Variants in PADI6 observed in about 807,000 individuals in gnomAD.
PADI6 encodes peptidyl arginine deiminase 6, also known as inactive protein-arginine deiminase type-6.
PADI6 carries 66 observed loss-of-function variants against 78.2 expected under a neutral mutation model. The observed-to-expected ratio is 0.84, with a 90% CI of 0.69 to 1.04. PADI6 has a LOEUF of 1.04. Among genes scored for constraint, PADI6 ranks in the 50% least tolerant of loss-of-function variants. The pLI, the probability that PADI6 is intolerant of heterozygous loss-of-function variation, is 0.00. For missense variants in PADI6, 854 were observed against 866.1 expected (o/e 0.99, Z 0.18); for synonymous variants, 397 against 346.9 (o/e 1.14, Z -1.60).
chr1:17,386,815 G>A (rs931611460), intron 6 of PADI6, among the ~76,000 whole-genome samples: 9 of 152,208 alleles, frequency 5.9e-5, no homozygotes, highest in African/African-American at 2.2e-4. Context: ...CTAACCCAGA[G>A]CAAGAGGCCG....
At chr1:17,391,079 A>G (rs1015989040) in intron 8 of PADI6, among the ~76,000 whole-genome samples, 4 of 152,220 alleles carry the variant, frequency 2.6e-5, no homozygotes, top group African/African-American at 9.6e-5. Flanking sequence ...GCCAGTAGTT[A>G]CATTGCTGTA....
At chr1:17,392,299 T>A in intron 9 of PADI6, 74 bp downstream of exon 9, 1 of 1,124,472 alleles carries the variant, frequency 8.9e-7, no homozygotes, top group Non-Finnish European at 1.3e-6. Flanking sequence ...AAGAGGAACT[T>A]CACAGGCTTC....
At chr1:17,400,901 G>A (rs1465595352) in intron 15 of PADI6, among the ~76,000 whole-genome samples, 2 of 152,204 alleles carry the variant, frequency 1.3e-5, no homozygotes, top group African/African-American at 4.8e-5. Context: ...ACAAAGCGGG[G>A]GTGGGGAGAG....
At chr1:17,388,610 A>G (rs2075150735) in intron 7 of PADI6, 51 bp downstream of exon 7, 1 of 1,517,042 alleles carries the variant, frequency 6.6e-7, no homozygotes, top group Non-Finnish European at 9.0e-7. Flanking sequence ...CCGGTGGGGG[A>G]AAAGCCATCT....
chr1:17,394,055 C>T lies in PADI6; in HGVS notation c.1155C>T (p.Leu385=), dbSNP rs762892891. ...LILDTPQAAD[L]DEFPMKYSLS... ...TCGACACACCTCAGGCCGCCGATCT[C>T]GATGAGTTCCCCATGAAGTACTCAC... Residue 385 remains leucine, a synonymous_variant, in exon 10 of 16, where the codon CTC becomes CTT. Coordinates refer to ENST00000619609, the MANE Select transcript of PADI6 (RefSeq NM_207421.4). The T allele has an allele frequency of 4.3e-6, 7 of 1,613,760 alleles. No homozygotes were observed. Among genetic ancestry groups the T allele is most frequent in the African/African-American group, 2.7e-5 (2 of 74,892 alleles).
Position 17,401,252 on chromosome 1 carries a change from TG to T in PADI6, c.1902del (p.Gln636LysfsTer33). The stretch of plus-strand genomic sequence containing the variant: ...AGAACCTGGGGATCCCCAAGCCTTT[TG>T]GGCCCCAAATCAAGGGGACCTGCTG... ...GKNLGIPKPF[G>X]PQIKGTCCLE... On this transcript the variant is annotated frameshift_variant, in exon 16 of 16. Transcript: ENST00000619609. LOFTEE classifies it high-confidence loss of function. 1.9e-6 allele frequency: 3 copies of T among 1,614,064 alleles called. No individual in the cohort carries two copies. Among genetic ancestry groups the T allele is most frequent in the Non-Finnish European group, 2.5e-6 (3 of 1,179,898 alleles).
Position 17,394,049 on chromosome 1 carries a change from C to A in PADI6, c.1149C>A (p.Ala383=), listed in dbSNP as rs12073549. 1.6e-5 allele frequency: 26 copies of A among 1,613,646 alleles called. No homozygotes were observed. The highest frequency in any genetic ancestry group is 1.2e-4 in the South Asian group (11 of 91,064). ...TSLILDTPQA[A]DLDEFPMKYS... ...TGATCCTCGACACACCTCAGGCCGC[C>A]GATCTCGATGAGTTCCCCATGAAGT... is the stretch of plus-strand genomic sequence containing the variant. The change falls in exon 10 of 16, where the codon GCC becomes GCA. Residue 383 remains alanine, a synonymous_variant. Transcript: ENST00000619609.
chr1:17,376,999 A>AT (rs2075025947), intron 3 of PADI6, among the ~76,000 whole-genome samples: 1 of 152,132 alleles, frequency 6.6e-6, no homozygotes, highest in Admixed American at 6.5e-5. Flanking sequence ...CAGCCTCTCC[A>AT]GTAGCTTGGA....
intron 6 of PADI6, among the ~76,000 whole-genome samples, chr1:17,385,621 C>T (rs747536192): frequency 1.6e-4 from 24 of 151,900 alleles, no homozygotes; most frequent in South Asian, 2.1e-4. Context: ...ATAAGGTCGT[C>T]GAAGAGAGAT....
chr1:17,381,693 CA>C (rs2075074472), intron 5 of PADI6, among the ~76,000 whole-genome samples: 2 of 152,186 alleles, frequency 1.3e-5, no homozygotes, highest in African/African-American at 4.8e-5. Flanking sequence ...GGTGAACCTT[CA>C]CTGAACTGAT....
At position 17,394,951 on chromosome 1, in the gene PADI6, C is replaced by A. The variant is rs201775306; in HGVS notation, c.1338C>A (p.Ser446Arg). 6.2e-7 allele frequency: 1 copy of A among 1,608,342 alleles called. No individual in the cohort carries two copies. Among genetic ancestry groups the A allele is most frequent in the South Asian group, 1.1e-5 (1 of 90,512 alleles). Residue 446 changes from serine (S) to arginine (R), a missense_variant and splice_region_variant, in exon 12 of 16, where the codon AGC (serine) becomes AGA (arginine). Coordinates refer to ENST00000619609, the MANE Select transcript of PADI6 (RefSeq NM_207421.4). Reference protein sequence around the residue: ...RVLIGSSFYPSAEGRAMSKTL... With the variant: ...RVLIGSSFYPRAEGRAMSKTL... ...GCTGTTCTTTCCATCTTCCTTCTAG[C>A]GCAGAGGGCCGGGCCATGAGTAAGA... is the stretch of plus-strand genomic sequence containing the variant.
At chr1:17,395,274 G>A (rs528160294) in intron 12 of PADI6, among the ~76,000 whole-genome samples, 167 bp downstream of exon 12, 2 of 150,444 alleles carry the variant, frequency 1.3e-5, no homozygotes, top group African/African-American at 4.9e-5. Flanking sequence ...CGTGATCTCC[G>A]CTCACTGCAA....
intron 13 of PADI6, among the ~76,000 whole-genome samples, chr1:17,396,327 G>C (rs996996059): frequency 1.4e-4 from 22 of 152,114 alleles, no homozygotes; most frequent in Admixed American, 1.4e-3. Context: ...TGGAGGTTGC[G>C]GTGAGCTAAG....
At chr1:17,380,446 C>A (rs1177893012) in intron 4 of PADI6, among the ~76,000 whole-genome samples, 4 of 152,116 alleles carry the variant, frequency 2.6e-5, no homozygotes, top group Admixed American at 1.3e-4. Context: ...CAGCTCACTG[C>A]AAGCTCCATC....
intron 4 of PADI6, among the ~76,000 whole-genome samples, chr1:17,380,386 G>A (rs970160820): frequency 2.0e-5 from 3 of 148,500 alleles, no homozygotes; most frequent in African/African-American, 5.0e-5. Context: ...ATTTTTTTTT[G>A]AGACGGAGTC....
intron 14 of PADI6, 38 bp from the exon 15 acceptor site, chr1:17,398,648 T>TCCCCTGCCCCCCC: frequency 5.2e-6 from 1 of 193,328 alleles, no homozygotes; most frequent in Non-Finnish European, 9.0e-6. Flanking sequence ...CTCTCCTTGC[T>TCCCCTGCCCCCCC]CCCCCGCCCC....
chr1:17,399,729 T>TA (rs71575834), intron 15 of PADI6, among the ~76,000 whole-genome samples: 8,103 of 147,642 alleles, frequency 0.055, 317 homozygotes, highest in African/African-American at 0.096. Flanking sequence ...CCTGCAACTT[T>TA]AAAAAAAAGA....
At chr1:17,395,257 G>A in intron 12 of PADI6, 150 bp downstream of exon 12, 3 of 1,131,432 alleles carry the variant, frequency 2.7e-6, no homozygotes, top group Non-Finnish European at 3.7e-6. Flanking sequence ...AGGCTGGAGT[G>A]CAGTGGCGTG....
At chr1:17,388,678 G>T (rs1269098354) in intron 7 of PADI6, 99 bp from the exon 8 acceptor site, 1 of 1,458,906 alleles carries the variant, frequency 6.9e-7, no homozygotes, top group Non-Finnish European at 9.3e-7. Flanking sequence ...GGCAAGTGGG[G>T]CCCAGCTGGG....
Sources: gnomAD v4.1 joint callset for allele counts (sites outside exome capture counted in the v4.1 genomes callset) on GRCh38, gnomAD v4.1.1 for gene constraint, MANE v1.5 for transcripts, NCBI Gene and HGNC (gene_info 2026-07-23, HGNC 2026-07-21) for gene names.